Variants in ERLIN1 observed in about 807,000 individuals in gnomAD.
ERLIN1 encodes erlin-1.
Under a neutral mutation model 46.9 loss-of-function variants are expected in ERLIN1, and 24 were observed. The ratio of observed to expected loss-of-function variants is 0.51; its 90% confidence interval spans 0.37 to 0.72. The LOEUF (loss-of-function observed/expected upper bound fraction) is 0.72. ERLIN1 is among the 30% of genes least tolerant of loss of function. The pLI is 0.00. For synonymous variants in ERLIN1, 158 were observed against 143.2 expected (o/e 1.10, Z -0.74); for missense variants, 293 against 417.9 (o/e 0.70, Z 2.61).
At chr10:100,168,550 T>A (rs1164881347) in intron 6 of ERLIN1, among the ~76,000 whole-genome samples, 1 of 152,174 alleles carries the variant, frequency 6.6e-6, no homozygotes, top group African/African-American at 2.4e-5. Context: ...GATTTCACCA[T>A]GTGACTAGCA....
At chr10:100,158,659 G>A (rs1460817476) in intron 8 of ERLIN1, among the ~76,000 whole-genome samples, 1 of 152,144 alleles carries the variant, frequency 6.6e-6, no homozygotes, top group African/African-American at 2.4e-5. Flanking sequence ...TAATTGATGG[G>A]AGGATAAAGA....
intron 8 of ERLIN1, among the ~76,000 whole-genome samples, chr10:100,162,081 T>C (rs1314206724): frequency 6.6e-6 from 1 of 152,132 alleles, no homozygotes; most frequent in African/African-American, 2.4e-5. Context: ...CACATATATG[T>C]ATATCGAAGA....
chr10:100,185,957 C>G lies in ERLIN1; in HGVS notation c.-331G>C, dbSNP rs370608294. ...AGGAAAGCCGACCCCTCGGCCGCGC[C>G]TCACCGATCAGTGACGCATCGCCCC... On this transcript the variant is annotated 5_prime_UTR_variant, in exon 1 of 11. Coordinates refer to ENST00000421367, the MANE Select transcript of ERLIN1 (RefSeq NM_006459.4). The G allele has an allele frequency of 2.8e-5, 13 of 467,058 alleles. No individual in the cohort carries two copies. Among genetic ancestry groups the G allele is most frequent in the Admixed American group, 4.0e-5 (1 of 24,756 alleles). The allele number at this position is 467,058 out of a possible 1,614,324, so 28.9% of individuals were successfully genotyped here. A position where few individuals can be genotyped will look rare whatever the true frequency, so the allele number is the denominator to read the frequency against.
At chr10:100,159,509 C>T (rs1032076452) in intron 8 of ERLIN1, among the ~76,000 whole-genome samples, 4 of 151,980 alleles carry the variant, frequency 2.6e-5, no homozygotes, top group African/African-American at 7.2e-5. Context: ...AAAAAAGGAC[C>T]GTGTACAGGT....
In ERLIN1 at chr10:100,154,855, G is replaced by C; in HGVS notation, c.825+5C>G. ...CATTAGGAAAGTGGCCAGGGAGCCA[G>C]TCACCTTGTTTGAGGTGGCATATTT... On this transcript the variant is annotated splice_donor_5th_base_variant and intron_variant, in intron 10 of 10. Transcript: ENST00000421367. The C allele has an allele frequency of 6.2e-7, 1 of 1,612,330 alleles. No individual in the cohort carries two copies. The highest frequency in any genetic ancestry group is 1.1e-5 in the South Asian group (1 of 91,036).
intron 4 of ERLIN1, among the ~76,000 whole-genome samples, 154 bp from the exon 5 acceptor site, chr10:100,176,224 G>A (rs946589937): frequency 6.6e-6 from 1 of 152,194 alleles, no homozygotes; most frequent in Non-Finnish European, 1.5e-5. Flanking sequence ...AAATCTTGAT[G>A]TGTTGCTTGT....
chr10:100,185,489 C>G (rs748142532), intron 1 of ERLIN1, 25 bp downstream of exon 1: 18 of 1,556,440 alleles, frequency 1.2e-5, no homozygotes, highest in Non-Finnish European at 1.6e-5. Context: ...CTCTAGAGCC[C>G]TAACTGACTG....
intron 8 of ERLIN1, 59 bp from the exon 9 acceptor site, chr10:100,156,293 C>G (rs1393193691): frequency 1.9e-6 from 2 of 1,040,480 alleles, no homozygotes; most frequent in South Asian, 1.3e-5. Flanking sequence ...ACCTGAGGCA[C>G]TTCGAACCAG....
In ERLIN1 at chr10:100,174,196, A is replaced by T; in HGVS notation, c.504+12T>A. Reference sequence around the variant, plus strand: ...AAAATCCCCAGAGAACTTCCCTAGGAAAAGAACTTACCTGTATAGTGAGAC... The same window carrying T: ...AAAATCCCCAGAGAACTTCCCTAGGTAAAGAACTTACCTGTATAGTGAGAC... On this transcript the variant is annotated intron_variant, in intron 6 of 10. Transcript: ENST00000421367. 1 of 1,542,846 alleles carries T rather than the reference A, an allele frequency of 6.5e-7. No individual in the cohort carries two copies. Among genetic ancestry groups the T allele is most frequent in the Non-Finnish European group, 8.8e-7 (1 of 1,135,784 alleles).
chr10:100,172,933 CTA>C (rs1313429099), intron 6 of ERLIN1, among the ~76,000 whole-genome samples: 2 of 152,158 alleles, frequency 1.3e-5, no homozygotes, highest in East Asian at 3.9e-4. Flanking sequence ...TTCACATTCA[CTA>C]TCTTTAAAAC....
At chr10:100,170,693 T>C (rs1843940003) in intron 6 of ERLIN1, among the ~76,000 whole-genome samples, 2 of 152,192 alleles carry the variant, frequency 1.3e-5, no homozygotes, top group South Asian at 4.1e-4. Flanking sequence ...AGGGACTGAT[T>C]AGATGCTGAG....
intron 4 of ERLIN1, among the ~76,000 whole-genome samples, chr10:100,177,567 A>C (rs1589551043): frequency 6.6e-6 from 1 of 152,198 alleles, no homozygotes; most frequent in Admixed American, 6.5e-5. Context: ...AATATTCTGT[A>C]CATACTAGAC....
At chr10:100,169,007 A>G (rs901128264) in intron 6 of ERLIN1, among the ~76,000 whole-genome samples, 2 of 152,082 alleles carry the variant, frequency 1.3e-5, no homozygotes, top group African/African-American at 4.8e-5. Context: ...GAAGACTCCT[A>G]TTTTGCTGAA....
chr10:100,163,406 A>G (rs2134125557), intron 8 of ERLIN1, among the ~76,000 whole-genome samples: 1 of 151,900 alleles, frequency 6.6e-6, no homozygotes, highest in East Asian at 1.9e-4. Flanking sequence ...TCTGAAGGGA[A>G]TAAGGCAAAA....
At chr10:100,172,553 T>C (rs1259070694) in intron 6 of ERLIN1, among the ~76,000 whole-genome samples, 1 of 152,136 alleles carries the variant, frequency 6.6e-6, no homozygotes, top group Non-Finnish European at 1.5e-5. Flanking sequence ...ACAGTATAAA[T>C]GACCAATAAA....
Position 100,185,793 on chromosome 10 carries a change from G to T in ERLIN1, c.-167C>A. 8.2e-6 allele frequency: 5 copies of T among 609,922 alleles called. No individual in the cohort carries two copies. The Admixed American group carries it at 1.5e-4, about 18-fold the overall frequency. The allele number at this position is 609,922 out of a possible 1,614,324, so 37.8% of individuals were successfully genotyped here. The stretch of plus-strand genomic sequence containing the variant: ...TCATTCTTCCCTTCTGGCTGAGCCC[G>T]CTGACCCCTTGCCAACTCCTCCGCC... On this transcript the variant is annotated 5_prime_UTR_variant, in exon 1 of 11. Coordinates refer to ENST00000421367, the MANE Select transcript of ERLIN1 (RefSeq NM_006459.4).
chr10:100,163,811 C>T (rs965961610), intron 8 of ERLIN1, among the ~76,000 whole-genome samples, 193 bp downstream of exon 8: 10 of 152,226 alleles, frequency 6.6e-5, no homozygotes, highest in African/African-American at 2.4e-4. Flanking sequence ...TGGACAGCCA[C>T]AGCACATCAT....
At chr10:100,184,122 T>C (rs1844823023) in intron 1 of ERLIN1, among the ~76,000 whole-genome samples, 1 of 152,238 alleles carries the variant, frequency 6.6e-6, no homozygotes, top group Non-Finnish European at 1.5e-5. Context: ...CCTCGGTCTT[T>C]AACCTTCTGA....
In ERLIN1 at chr10:100,185,816, G is replaced by A. The variant is rs990149991; in HGVS notation, c.-190C>T. 37 of 587,824 alleles carry A rather than the reference G, an allele frequency of 6.3e-5. No homozygotes were observed. Among genetic ancestry groups the A allele is most frequent in the Non-Finnish European group, 9.1e-6 (3 of 329,468 alleles). 36.4% of individuals were successfully genotyped at this position (587,824 alleles called of 1,614,324 possible). A position where few individuals can be genotyped will look rare whatever the true frequency, so the allele number is the denominator to read the frequency against. On this transcript the variant is annotated 5_prime_UTR_variant, in exon 1 of 11. Transcript: ENST00000421367. ...CCGCTGACCCCTTGCCAACTCCTCC[G>A]CCCCCGGAGGCCAGTGGGCCGCCCC... is the stretch of plus-strand genomic sequence containing the variant.
Sources: gnomAD v4.1 joint callset for allele counts (sites outside exome capture counted in the v4.1 genomes callset) on GRCh38, gnomAD v4.1.1 for gene constraint, MANE v1.5 for transcripts, NCBI Gene and HGNC (gene_info 2026-07-23, HGNC 2026-07-21) for gene names.